Variants in SCLT1 observed in about 807,000 individuals in gnomAD.
The protein encoded by SCLT1 is sodium channel-associated protein 1.
A neutral mutation model predicts 112.8 loss-of-function variants in SCLT1; 78 were observed. The ratio of observed to expected loss-of-function variants is 0.69; its 90% CI spans 0.58 to 0.83. The LOEUF is 0.83. Among genes scored for constraint, SCLT1 ranks in the 40% least tolerant of loss-of-function variants. The pLI, the probability that SCLT1 is intolerant of heterozygous loss-of-function variation, is 0.00. For missense variants in SCLT1, 747 were observed against 770.4 expected (o/e 0.97, Z 0.36); for synonymous variants, 257 against 254.7 (o/e 1.01, Z -0.09).
At chr4:128,944,329 T>C (rs1737958933) in intron 16 of SCLT1, among the ~76,000 whole-genome samples, 1 of 152,138 alleles carries the variant, frequency 6.6e-6, no homozygotes, top group Non-Finnish European at 1.5e-5. Flanking sequence ...CCACAGATTG[T>C]AAGCCTCCTA....
chr4:128,998,582 C>T (rs1045373524), intron 7 of SCLT1, among the ~76,000 whole-genome samples: 1 of 151,796 alleles, frequency 6.6e-6, no homozygotes, highest in African/African-American at 2.4e-5. Context: ...TGATATTATT[C>T]AGGTGAAAAC....
chr4:128,940,151 A>C (rs1473050550), intron 17 of SCLT1, among the ~76,000 whole-genome samples: 1 of 152,002 alleles, frequency 6.6e-6, no homozygotes, highest in African/African-American at 2.4e-5. Flanking sequence ...AAATTCATTG[A>C]TTCCATCCCC....
chr4:128,905,074 G>A (rs919639251), intron 18 of SCLT1, among the ~76,000 whole-genome samples: 5 of 151,976 alleles, frequency 3.3e-5, no homozygotes, highest in Non-Finnish European at 5.9e-5. Flanking sequence ...TGTATTCAAT[G>A]ACCTACTTGA....
At chr4:129,069,313 T>C (rs544935982) in intron 2 of SCLT1, among the ~76,000 whole-genome samples, 2 of 152,228 alleles carry the variant, frequency 1.3e-5, no homozygotes, top group South Asian at 4.1e-4. Flanking sequence ...CTGTGAAGAA[T>C]AATGGTATTT....
At chr4:128,892,724 T>C (rs933823412) in intron 18 of SCLT1, among the ~76,000 whole-genome samples, 1 of 152,188 alleles carries the variant, frequency 6.6e-6, no homozygotes, top group South Asian at 2.1e-4. Flanking sequence ...GCAAACATAA[T>C]TGTTGTCATC....
At chr4:128,929,861 A>C (rs1480530845) in intron 18 of SCLT1, among the ~76,000 whole-genome samples, 2 of 152,218 alleles carry the variant, frequency 1.3e-5, no homozygotes, top group Non-Finnish European at 2.9e-5. Flanking sequence ...TGTTATAACA[A>C]AATACCATAA....
At position 128,999,791 on chromosome 4, in the gene SCLT1, T is replaced by C; in HGVS notation, c.430A>G (p.Lys144Glu). 6.3e-7 allele frequency: 1 copy of C among 1,594,732 alleles called. No homozygotes were observed. Among genetic ancestry groups the C allele is most frequent in the South Asian group, 1.1e-5 (1 of 87,666 alleles). ...TGCCAGAGTTCCACAGCCTGAGTTT[T>C]TTCCTATTAAAAAAGTTTGATAACT... ...QEQLQLANQE[K>E]TQAVELWQTV... Residue 144 changes from lysine to glutamate, a missense_variant, in exon 7 of 21, where the codon AAA becomes GAA. Physicochemically the swap from Lys to Glu is moderately conservative, Grantham distance 56. Coordinates refer to ENST00000281142, the MANE Select transcript of SCLT1 (RefSeq NM_144643.4).
intron 19 of SCLT1, among the ~76,000 whole-genome samples, chr4:128,889,464 T>C (rs896436223): frequency 3.3e-5 from 5 of 152,198 alleles, no homozygotes; most frequent in Admixed American, 3.3e-4. Context: ...GAGAAAGGCA[T>C]GGAACAGATT....
intron 1 of SCLT1, among the ~76,000 whole-genome samples, chr4:129,092,168 G>A (rs1046676386): frequency 6.6e-6 from 1 of 152,138 alleles, no homozygotes; most frequent in East Asian, 1.9e-4. Context: ...TATAACCCAT[G>A]CAATGGTCCA....
At position 129,003,600 on chromosome 4, in the gene SCLT1, A is replaced by G. The variant is rs1579660115; in HGVS notation, c.426+141T>C. 7 of 645,128 alleles carry G rather than the reference A, an allele frequency of 1.1e-5. No individual in the cohort carries two copies. The East Asian group carries it at 2.1e-4, about 19-fold the overall frequency. 40.0% of individuals were successfully genotyped at this position (645,128 alleles called of 1,614,324 possible). A position where few individuals can be genotyped will look rare whatever the true frequency, so the allele number is the denominator to read the frequency against. On this transcript the variant is annotated intron_variant, in intron 6 of 20. Coordinates refer to ENST00000281142, the MANE Select transcript of SCLT1 (RefSeq NM_144643.4). ...GAGGGTATTTATTACAAGTGTTGCT[A>G]CCTGTAACGATTCTTATAAACTGTA...
At chr4:129,046,271 A>C (rs960458850) in intron 2 of SCLT1, among the ~76,000 whole-genome samples, 1 of 152,090 alleles carries the variant, frequency 6.6e-6, no homozygotes, top group African/African-American at 2.4e-5. Flanking sequence ...AGTTTCAGTT[A>C]ACATGGTACT....
intron 2 of SCLT1, among the ~76,000 whole-genome samples, chr4:129,051,430 G>A (rs950376303): frequency 6.6e-6 from 1 of 152,186 alleles, no homozygotes; most frequent in African/African-American, 2.4e-5. Context: ...TCTCCTTGAA[G>A]AGGTTCTTTA....
chr4:128,951,836 A>T (rs1378572086), intron 14 of SCLT1, among the ~76,000 whole-genome samples: 1 of 152,138 alleles, frequency 6.6e-6, no homozygotes, highest in African/African-American at 2.4e-5. Flanking sequence ...ATACAAAATA[A>T]ATATTCCTTG....
intron 18 of SCLT1, among the ~76,000 whole-genome samples, chr4:128,924,187 T>C (rs1736112100): frequency 6.6e-6 from 1 of 152,136 alleles, no homozygotes; most frequent in Non-Finnish European, 1.5e-5. Context: ...GATATACTAA[T>C]TGCAATTTTT....
intron 17 of SCLT1, among the ~76,000 whole-genome samples, chr4:128,939,582 G>A (rs889650408): frequency 6.7e-6 from 1 of 149,740 alleles, no homozygotes; most frequent in Non-Finnish European, 1.5e-5. Context: ...ATCCACACAA[G>A]TAGATAACTG....
In SCLT1 at chr4:128,946,118, TA is replaced by T; in HGVS notation, c.1327del (p.Tyr443ThrfsTer23). On this transcript the variant is annotated frameshift_variant, in exon 16 of 21. Transcript: ENST00000281142. LOFTEE classifies it high-confidence loss of function. Reference sequence around the variant, plus strand: ...TTGGTGCATTTCTTCCAGTTTTCTGTAATCACTCTCATTTCCTCTGCCTTCA... The same window carrying T: ...TTGGTGCATTTCTTCCAGTTTTCTGTATCACTCTCATTTCCTCTGCCTTCA... ...YREGRGNESD[Y>X]RKLEEMHQRF... 1 of 1,608,646 alleles carries T rather than the reference TA, an allele frequency of 6.2e-7. No individual in the cohort carries two copies. Among genetic ancestry groups the T allele is most frequent in the Non-Finnish European group, 8.5e-7 (1 of 1,175,402 alleles).
intron 9 of SCLT1, among the ~76,000 whole-genome samples, chr4:128,982,293 G>A (rs1220409619): frequency 6.6e-6 from 1 of 152,150 alleles, no homozygotes; most frequent in African/African-American, 2.4e-5. Context: ...CTACGAAAGT[G>A]TGCATGAGAT....
chr4:128,953,798 C>CA lies in SCLT1; in HGVS notation c.1147-959dup, dbSNP rs1234272239. On this transcript the variant is annotated intron_variant, in intron 13 of 20. Coordinates refer to ENST00000281142, the MANE Select transcript of SCLT1 (RefSeq NM_144643.4). ...TGGGCAACAGAGTGAGACTCCATCTCAAAAAAAAAAAACAAAAAAACAAAA... is the reference window on the plus strand; with the variant it reads ...TGGGCAACAGAGTGAGACTCCATCTCAAAAAAAAAAAAACAAAAAAACAAAA... 4.6e-3 allele frequency among the ~76,000 whole-genome samples: 388 copies of CA among 83,912 alleles called. 1 individual carries two copies. Among genetic ancestry groups the CA allele is most frequent in the South Asian group, 0.014 (35 of 2,588 alleles). The allele number at this position is 83,912 out of a possible 152,430, so 55.0% of individuals were successfully genotyped here.
At chr4:128,998,075 T>C (rs1743162207) in intron 7 of SCLT1, 136 bp from the exon 8 acceptor site, 1 of 408,184 alleles carries the variant, frequency 2.4e-6, no homozygotes, top group Admixed American at 4.4e-5. Flanking sequence ...TTATTACTAT[T>C]GTGTGAATTA....
Sources: allele counts gnomAD v4.1 joint callset (sites outside exome capture counted in the v4.1 genomes callset), GRCh38; gene constraint gnomAD v4.1.1; transcripts MANE v1.5; gene names NCBI Gene and HGNC (gene_info 2026-07-23, HGNC 2026-07-21).